The following GON4L variants were observed in gnomAD, a reference collection of about 807,000 sequenced individuals.
The protein encoded by GON4L is gon-4 like, also known as GON-4-like protein.
In GON4L, 87 loss-of-function variants were observed where a neutral mutation model predicts 211.8. The observed-to-expected ratio is 0.41, with a 90% CI of 0.35 to 0.49. The LOEUF (loss-of-function observed/expected upper bound fraction) is 0.49, where lower values mean the gene tolerates loss of function less well. GON4L is among the 20% of genes least tolerant of loss of function. The pLI is 0.15. For missense variants in GON4L, 2,155 were observed against 2,659.5 expected (o/e 0.81, Z 4.17); for synonymous variants, 875 against 962.6 (o/e 0.91, Z 1.68).
intron 10 of GON4L, among the ~76,000 whole-genome samples, chr1:155,813,224 G>A (rs1667950923): frequency 6.6e-6 from 1 of 152,102 alleles, no homozygotes; most frequent in Non-Finnish European, 1.5e-5. Context: ...TTGAGCCCAG[G>A]AGTTCAATAC....
intron 3 of GON4L, 93 bp from the exon 4 acceptor site, chr1:155,822,569 A>G: frequency 1.1e-6 from 1 of 891,140 alleles, no homozygotes; most frequent in South Asian, 1.3e-5. Flanking sequence ...TAAATCTCAA[A>G]AGCATTATGC....
chr1:155,843,604 C>G (rs760009997), intron 2 of GON4L, among the ~76,000 whole-genome samples: 19 of 152,110 alleles, frequency 1.2e-4, no homozygotes, highest in Non-Finnish European at 2.6e-4. Context: ...CCCCACGATG[C>G]TCTGACCCAA....
chr1:155,749,207 A>C, downstream of GON4L: 1 of 1,365,592 alleles, frequency 7.3e-7, no homozygotes, highest in East Asian at 2.5e-5. Flanking sequence ...AGCCGAGATC[A>C]CACCATTGCA....
Position 155,760,637 on chromosome 1 carries a change from C to T in GON4L, c.4916G>A (p.Arg1639Gln), listed in dbSNP as rs374184186. The change falls in exon 24 of 32, where the codon CGA (arginine) becomes CAA (glutamine). Residue 1639 changes from arginine to glutamine, a missense_variant. Coordinates refer to ENST00000368331, the MANE Select transcript of GON4L (RefSeq NM_001282860.2). The stretch of plus-strand genomic sequence containing the variant: ...GCCAGGGATATGTTGTAGGGCTTCT[C>T]GCACCTACACGGGAAGACTTTCAAT... ...AFAQAYLTRV[R>Q]EALQHIPGKY... 3.1e-6 allele frequency: 5 copies of T among 1,604,112 alleles called. No homozygotes were observed. The highest frequency in any genetic ancestry group is 3.3e-5 in the Admixed American group (2 of 59,958).
chr1:155,837,591 C>T (rs188984982), intron 2 of GON4L, among the ~76,000 whole-genome samples: 33 of 152,082 alleles, frequency 2.2e-4, no homozygotes, highest in Admixed American at 1.5e-3. Context: ...CTTCATCCAT[C>T]AATGAGTGTT....
At chr1:155,824,761 G>GAAA (rs1669036184) in intron 3 of GON4L, among the ~76,000 whole-genome samples, 1 of 81,532 alleles carries the variant, frequency 1.2e-5, no homozygotes, top group Non-Finnish European at 2.3e-5. Flanking sequence ...AGACTCTGTC[G>GAAA]CAAAAAAAAA....
chr1:155,808,403 T>A (rs1218750382), intron 10 of GON4L, among the ~76,000 whole-genome samples: 1 of 152,174 alleles, frequency 6.6e-6, no homozygotes, highest in Non-Finnish European at 1.5e-5. Context: ...CTTCATGATC[T>A]AGCTCTTGCC....
intron 18 of GON4L, among the ~76,000 whole-genome samples, chr1:155,772,590 C>CA (rs796482955): frequency 0.01 from 706 of 69,732 alleles, 1 homozygote; most frequent in African/African-American, 0.013. Context: ...CTCATCTCTA[C>CA]AAAAAAAAAA....
At chr1:155,855,918 G>A (rs190394601) in intron 1 of GON4L, among the ~76,000 whole-genome samples, 188 of 145,754 alleles carry the variant, frequency 1.3e-3, no homozygotes, top group African/African-American at 4.4e-3. Context: ...GGAGGTGGAG[G>A]TTGCAGTGGG....
intron 31 of GON4L, among the ~76,000 whole-genome samples, chr1:155,750,943 T>C (rs1660513368): frequency 6.6e-6 from 1 of 152,072 alleles, no homozygotes; most frequent in Non-Finnish European, 1.5e-5. Context: ...TTTATATTTT[T>C]AGTAGAGATG....
intron 2 of GON4L, among the ~76,000 whole-genome samples, chr1:155,829,638 A>T (rs1177560432): frequency 6.6e-6 from 1 of 152,190 alleles, no homozygotes; most frequent in African/African-American, 2.4e-5. Flanking sequence ...AATATAAATT[A>T]AAAAATAATA....
chr1:155,821,367 C>G, intron 5 of GON4L, 107 bp downstream of exon 5: 1 of 719,310 alleles, frequency 1.4e-6, no homozygotes, highest in African/African-American at 1.7e-5. Flanking sequence ...CTAACTTTAA[C>G]CCCAGCTGCC....
At position 155,773,071 on chromosome 1, in the gene GON4L, C is replaced by T. The variant is rs141954647; in HGVS notation, c.2490G>A (p.Glu830=). Residue 830 remains glutamate (E), a synonymous_variant, in exon 18 of 32, where the codon GAG becomes GAA. Coordinates refer to ENST00000368331, the MANE Select transcript of GON4L (RefSeq NM_001282860.2). ...CCCCCAGAGTAAACACTTACTTGTC[C>T]TCAGCCTTGGTGAAGACGATCTTAT... is the stretch of plus-strand genomic sequence containing the variant. ...PQDKIVFTKA[E]DNLLALGLKH... 5 of 1,611,888 alleles carry T rather than the reference C, an allele frequency of 3.1e-6. No individual in the cohort carries two copies. The African/African-American group carries it at 5.3e-5, about 17-fold the overall frequency.
At chr1:155,842,942 C>T (rs1053922716) in intron 2 of GON4L, among the ~76,000 whole-genome samples, 1 of 152,150 alleles carries the variant, frequency 6.6e-6, no homozygotes, top group Non-Finnish European at 1.5e-5. Flanking sequence ...ACTCCCACTG[C>T]TGTTAAACTT....
intron 12 of GON4L, among the ~76,000 whole-genome samples, chr1:155,789,268 C>T (rs1230525408): frequency 6.6e-6 from 1 of 151,958 alleles, no homozygotes; most frequent in Non-Finnish European, 1.5e-5. Context: ...GTGTGTGATA[C>T]ACTGTGTGTA....
At chr1:155,784,658 A>C (rs1018703660) in intron 13 of GON4L, 1 of 169,040 alleles carries the variant, frequency 5.9e-6, no homozygotes, top group Admixed American at 5.6e-5. Context: ...CTGGGATTAC[A>C]AGCGTGAGCC....
In GON4L at chr1:155,853,544, G is replaced by C; in HGVS notation, c.237C>G (p.Ser79Arg). ...TTGTGTTCTGGGTGAGCATTCCAGAGCTCAGAGATGTATCCTCCATACCAA... is the reference window on the plus strand; with the variant it reads ...TTGTGTTCTGGGTGAGCATTCCAGACCTCAGAGATGTATCCTCCATACCAA... ...NQLGMEDTSL[S>R]SGMLTQNTNV... is the part of the protein sequence containing the mutation. Residue 79 changes from serine to arginine, a missense_variant, in exon 2 of 32, where the codon AGC becomes AGG. Physicochemically the swap from Ser to Arg is moderately radical, Grantham distance 110. This residue lies in a region of GON4L where 313 missense variants were observed against 293.2 expected (regional missense o/e 1.07). Transcript: ENST00000368331. 6.2e-7 allele frequency: 1 copy of C among 1,614,208 alleles called. No individual in the cohort carries two copies.
intron 10 of GON4L, among the ~76,000 whole-genome samples, chr1:155,811,234 A>T (rs1667732593): frequency 6.6e-6 from 1 of 151,212 alleles, no homozygotes; most frequent in South Asian, 2.1e-4. Context: ...TCTACTAAAA[A>T]TACAAAAAAT....
chr1:155,841,528 T>C (rs1670770610), intron 2 of GON4L, among the ~76,000 whole-genome samples: 1 of 152,220 alleles, frequency 6.6e-6, no homozygotes, highest in Non-Finnish European at 1.5e-5. Context: ...TTGGCTCTTA[T>C]ATTGCTTAAA....
Sources: gnomAD v4.1 joint callset for allele counts (sites outside exome capture counted in the v4.1 genomes callset) on GRCh38, gnomAD v4.1.1 for gene constraint, gnomAD v4.1.1 regional missense constraint, MANE v1.5 for transcripts, NCBI Gene and HGNC (gene_info 2026-07-23, HGNC 2026-07-21) for gene names.